Variants in BCR observed in about 807,000 individuals in gnomAD.
The protein encoded by BCR is breakpoint cluster region protein.
A neutral mutation model predicts 138.6 loss-of-function variants in BCR; 58 were observed. That is an observed-to-expected ratio of 0.42 (90% CI 0.34 to 0.52). The LOEUF (loss-of-function observed/expected upper bound fraction) is 0.52. Among genes scored for constraint, BCR ranks in the 20% least tolerant of loss-of-function variants. The probability of loss-of-function intolerance (pLI) is 0.06; values close to 1 mark genes in which losing one functional copy is unlikely to be tolerated. For synonymous variants in BCR, 786 were observed against 730.1 expected (o/e 1.08, Z -1.23); for missense variants, 1,599 against 1,727.2 (o/e 0.93, Z 1.32).
chr22:23,232,670 C>T (rs2072972077), intron 1 of BCR, among the ~76,000 whole-genome samples: 1 of 152,244 alleles, frequency 6.6e-6, no homozygotes, highest in Non-Finnish European at 1.5e-5. Flanking sequence ...TGTGGCTTAT[C>T]AGCGAGCCTA....
intron 3 of BCR, 29 bp downstream of exon 3, chr22:23,261,083 G>T: frequency 1.3e-6 from 2 of 1,599,748 alleles, no homozygotes; most frequent in Non-Finnish European, 1.7e-6. Context: ...GCTGAGCAGG[G>T]CGGGATGGGG....
intron 11 of BCR, 80 bp downstream of exon 11, chr22:23,287,358 A>T (rs1242192704): frequency 6.9e-7 from 1 of 1,455,114 alleles, no homozygotes; most frequent in African/African-American, 1.4e-5. Flanking sequence ...GTGCGTTTTC[A>T]CTTGGATGCG....
intron 4 of BCR, chr22:23,263,256 C>A: frequency 9.3e-7 from 1 of 1,074,898 alleles, no homozygotes; most frequent in East Asian, 2.4e-5. Flanking sequence ...GTGCTCCTAC[C>A]TCGACATGCG....
intron 4 of BCR, chr22:23,263,663 G>A: frequency 6.9e-7 from 1 of 1,443,512 alleles, no homozygotes; most frequent in African/African-American, 1.4e-5. Flanking sequence ...GGAGGAGATG[G>A]GAAGATTGGC....
rs1295871037 is a variant in BCR at position 23,181,432 on chromosome 22, T to C, written c.472T>C (p.Phe158Leu). The C allele has an allele frequency of 1.3e-6, 2 of 1,593,970 alleles. No homozygotes were observed. Among genetic ancestry groups the C allele is most frequent in the African/African-American group, 1.3e-5 (1 of 74,606 alleles). Residue 158 changes from phenylalanine (F) to leucine (L), a missense_variant, in exon 1 of 23, where the codon TTC becomes CTC. This residue lies in a region of BCR where 806 missense variants were observed against 635.0 expected (regional missense o/e 1.27). Transcript: ENST00000305877. Reference protein sequence around the residue: ...PASVAALRSNFERIRKGHGQP... With the variant: ...PASVAALRSNLERIRKGHGQP... ...CAGCGTGGCGGCGCTCAGGTCCAAC[T>C]TCGAGCGGATCCGCAAGGGCCATGG...
At chr22:23,286,517 G>T (rs2073715352) in intron 10 of BCR, among the ~76,000 whole-genome samples, 1 of 152,222 alleles carries the variant, frequency 6.6e-6, no homozygotes, top group South Asian at 2.1e-4. Context: ...CACAGAGTGG[G>T]AGCCAGTGCT....
chr22:23,181,169 A>T lies in BCR; in HGVS notation c.209A>T (p.Tyr70Phe). 4 of 1,409,820 alleles carry T rather than the reference A, an allele frequency of 2.8e-6. No individual in the cohort carries two copies. Among genetic ancestry groups the T allele is most frequent in the Non-Finnish European group, 3.8e-6 (4 of 1,062,508 alleles). The allele number at this position is 1,409,820 out of a possible 1,614,324, so 87.3% of individuals were successfully genotyped here. Reference protein sequence around the residue: ...QTLLAKEKKSYDRQRWGFRRA... With the variant: ...QTLLAKEKKSFDRQRWGFRRA... ...TTGCTGGCCAAGGAAAAGAAGAGCT[A>T]TGACCGGCAGCGATGGGGCTTCCGG... Residue 70 changes from tyrosine to phenylalanine, a missense_variant, in exon 1 of 23, where the codon TAT (tyrosine) becomes TTT (phenylalanine). Tyr to Phe is a conservative substitution (Grantham distance 22, BLOSUM62 3). Coordinates refer to ENST00000305877, the MANE Select transcript of BCR (RefSeq NM_004327.4).
chr22:23,284,910 T>C (rs778945857), intron 9 of BCR, 123 bp from the exon 10 acceptor site: 1 of 1,086,588 alleles, frequency 9.2e-7, no homozygotes, highest in Non-Finnish European at 1.3e-6. Flanking sequence ...GAACACGTGC[T>C]GGGTTTTAGG....
chr22:23,223,906 C>T (rs1056136707), intron 1 of BCR, among the ~76,000 whole-genome samples: 2 of 152,194 alleles, frequency 1.3e-5, no homozygotes, highest in Non-Finnish European at 2.9e-5. Context: ...CCCTGCCTCC[C>T]CATGGGGAGC....
chr22:23,188,867 T>C (rs2072380183), intron 1 of BCR, among the ~76,000 whole-genome samples: 2 of 152,278 alleles, frequency 1.3e-5, no homozygotes, highest in South Asian at 2.1e-4. Context: ...AAATTCATGT[T>C]ATATTTTTTA....
rs2073278644 is a variant in BCR, at chr22:23,255,174, G to A, written c.1461+1194G>A. ...TGTTAGCTGCACGCCTGGGACTGCT[G>A]CTTACGTATATACTTTTGTGATTTC... is the stretch of plus-strand genomic sequence containing the variant. On this transcript the variant is annotated intron_variant, in intron 2 of 22. Coordinates refer to ENST00000305877, the MANE Select transcript of BCR (RefSeq NM_004327.4). Among the ~76,000 whole-genome samples, 3 of 152,304 alleles carry A rather than the reference G, an allele frequency of 2.0e-5. No homozygotes were observed. In the South Asian group the frequency reaches 6.2e-4, roughly 32 times the overall value.
At chr22:23,244,205 C>T (rs374168190) in intron 1 of BCR, among the ~76,000 whole-genome samples, 1 of 152,188 alleles carries the variant, frequency 6.6e-6, no homozygotes, top group Admixed American at 6.5e-5. Flanking sequence ...AAAACCCACA[C>T]GTGTGTTGTC....
At chr22:23,245,495 A>G (rs991399876) in intron 1 of BCR, among the ~76,000 whole-genome samples, 3 of 152,134 alleles carry the variant, frequency 2.0e-5, no homozygotes, top group Admixed American at 6.5e-5. Context: ...CCACAGAACC[A>G]AGGACCCTGG....
At chr22:23,220,824 G>T (rs2072816507) in intron 1 of BCR, among the ~76,000 whole-genome samples, 1 of 152,170 alleles carries the variant, frequency 6.6e-6, no homozygotes, top group Admixed American at 6.5e-5. Context: ...CAGCCAGTTT[G>T]CACTGTGGGC....
chr22:23,181,563 C>T lies in BCR; in HGVS notation c.603C>T (p.Ser201=). 4.3e-6 allele frequency: 7 copies of T among 1,612,982 alleles called. No individual in the cohort carries two copies. The highest frequency in any genetic ancestry group is 5.9e-6 in the Non-Finnish European group (7 of 1,179,990). ...ACAAAGAGGTGTCGGACCGCATCAG[C>T]TCCCTGGGCAGCCAGGCCATGCAGA... The part of the protein sequence containing the change: ...VNDKEVSDRI[S]SLGSQAMQME... The change falls in exon 1 of 23, where the codon AGC becomes AGT. Residue 201 remains serine, a synonymous_variant. Transcript: ENST00000305877.
intron 1 of BCR, among the ~76,000 whole-genome samples, chr22:23,210,852 C>T (rs763309679): frequency 9.9e-5 from 15 of 152,240 alleles, no homozygotes; most frequent in Non-Finnish European, 1.9e-4. Flanking sequence ...TTTCATCCCA[C>T]AGATGGGTCA....
chr22:23,211,580 G>A (rs2072683266), intron 1 of BCR, among the ~76,000 whole-genome samples: 12 of 152,126 alleles, frequency 7.9e-5, no homozygotes, highest in Admixed American at 7.2e-4. Context: ...CCGCCTGCCG[G>A]GTTCAAGGAT....
At chr22:23,183,863 C>G (rs1663977165) in intron 1 of BCR, among the ~76,000 whole-genome samples, 1 of 152,254 alleles carries the variant, frequency 6.6e-6, no homozygotes, top group African/African-American at 2.4e-5. Flanking sequence ...TTGGCCACAT[C>G]ACTAGACGCC....
At chr22:23,184,407 T>G (rs1198169808) in intron 1 of BCR, among the ~76,000 whole-genome samples, 7 of 152,208 alleles carry the variant, frequency 4.6e-5, no homozygotes, top group Non-Finnish European at 8.8e-5. Flanking sequence ...ACGTTTTTAG[T>G]AACTAAGGTC....
Sources: allele counts gnomAD v4.1 joint callset (sites outside exome capture counted in the v4.1 genomes callset), GRCh38; gene constraint gnomAD v4.1.1; regional missense constraint gnomAD v4.1.1; transcripts MANE v1.5; gene names NCBI Gene and HGNC (gene_info 2026-07-23, HGNC 2026-07-21).